Variants in AGER observed in about 807,000 individuals in gnomAD.
AGER encodes the protein advanced glycation end product-specific receptor.
A neutral mutation model predicts 48.8 loss-of-function variants in AGER; 46 were observed. The ratio of observed to expected loss-of-function variants is 0.94; its 90% CI spans 0.74 to 1.20. AGER has a LOEUF of 1.20. Ranked by LOEUF, AGER falls within the 50% of genes most tolerant of loss-of-function variation. The pLI is 0.00. For missense variants in AGER, 489 were observed against 515.0 expected, an observed-to-expected ratio of 0.95 and a Z score of 0.49; for synonymous variants, 170 against 199.9, an observed-to-expected ratio of 0.85 and a Z score of 1.26.
At position 32,181,365 on chromosome 6, in the gene AGER, G is replaced by C. The variant is rs763261367; in HGVS notation, c.1104C>G (p.Arg368=). 1.2e-6 allele frequency: 2 copies of C among 1,612,608 alleles called. No homozygotes were observed. The highest frequency in any genetic ancestry group is 1.7e-6 in the Non-Finnish European group (2 of 1,179,210). The change falls in exon 10 of 11, where the codon CGC becomes CGG. Residue 368 remains arginine (R), a synonymous_variant. Transcript: ENST00000375076. This position sits in a 1 kb window ranked among gnomAD's most constrained non-coding sequence, Gnocchi z 4.1. ...TCTCCACTCACCTCTCCTCTCCTCG[G>C]CGTTGCCGCCTTTGCCACAAGATGA... ...IGVILWQRRQ[R]RGEERKAPEN... is the part of the protein sequence containing the mutation.
At position 32,184,234 on chromosome 6, in the gene AGER, C is replaced by A; in HGVS notation, c.-12G>T. ...GTTCCGGCAGCCATCCTGCTTCCTT[C>A]CAGGGTCCTGGCTCTGTCTGCCCCT... On this transcript the variant is annotated 5_prime_UTR_variant, in exon 1 of 11. Transcript: ENST00000375076. 1 of 1,611,482 alleles carries A rather than the reference C, an allele frequency of 6.2e-7. No individual in the cohort carries two copies.
chr6:32,181,545 C>A lies in AGER; in HGVS notation c.991+61G>T. 1.9e-6 allele frequency: 3 copies of A among 1,613,072 alleles called. No homozygotes were observed. The highest frequency in any genetic ancestry group is 2.5e-6 in the Non-Finnish European group (3 of 1,179,988). ...TCACCATTCCTTTCTTGTTGACCAT[C>A]CCCCCAGTCACATGTGTTGGGGGCT... On this transcript the variant is annotated intron_variant, in intron 9 of 10. Transcript: ENST00000375076. This position sits in a 1 kb window ranked among gnomAD's most constrained non-coding sequence, Gnocchi z 4.1.
rs1289458441 is a variant in AGER at position 32,184,238 on chromosome 6, G to C, written c.-16C>G. The C allele has an allele frequency of 6.2e-7, 1 of 1,610,754 alleles. No individual in the cohort carries two copies. The highest frequency in any genetic ancestry group is 8.5e-7 in the Non-Finnish European group (1 of 1,178,948). On this transcript the variant is annotated 5_prime_UTR_variant, in exon 1 of 11. Transcript: ENST00000375076. ...CGGCAGCCATCCTGCTTCCTTCCAG[G>C]GTCCTGGCTCTGTCTGCCCCTCTCC...
chr6:32,182,165 G>C lies in AGER; in HGVS notation c.964+82C>G. 6.3e-7 allele frequency: 1 copy of C among 1,596,802 alleles called. No homozygotes were observed. Among genetic ancestry groups the C allele is most frequent in the Non-Finnish European group, 8.6e-7 (1 of 1,168,304 alleles). The stretch of plus-strand genomic sequence containing the variant: ...AGGTGGGGTGGCTGTTAGGGATAAG[G>C]CCAGAATGGGGCAGGAAATTAGAGC... On this transcript the variant is annotated intron_variant, in intron 8 of 10. Coordinates refer to ENST00000375076, the MANE Select transcript of AGER (RefSeq NM_001136.5). This position sits in a 1 kb window ranked among gnomAD's most constrained non-coding sequence, Gnocchi z 5.1.
Position 32,183,954 on chromosome 6 carries a change from C to A in AGER, c.86G>T (p.Arg29Leu). Residue 29 changes from arginine to leucine, a missense_variant, in exon 2 of 11, where the codon CGG becomes CTG. Arg to Leu is a moderately radical substitution (Grantham distance 102). Coordinates refer to ENST00000375076, the MANE Select transcript of AGER (RefSeq NM_001136.5). ...AVVGAQNITARIGEPLVLKCK... is the reference protein window; with the variant it reads ...AVVGAQNITALIGEPLVLKCK... Reference sequence around the variant, plus strand: ...CTTCAGCACCAGTGGCTCGCCAATCCGGGCTGTGATGTTTTGAGCACCTAC... The same window carrying A: ...CTTCAGCACCAGTGGCTCGCCAATCAGGGCTGTGATGTTTTGAGCACCTAC... 6.2e-7 allele frequency: 1 copy of A among 1,613,040 alleles called. No homozygotes were observed. The highest frequency in any genetic ancestry group is 1.7e-5 in the Admixed American group (1 of 60,022).
In AGER at chr6:32,183,550, C is replaced by T; in HGVS notation, c.355+5G>A. On this transcript the variant is annotated splice_donor_5th_base_variant and intron_variant, in intron 3 of 10. Transcript: ENST00000375076. ...AGGCCTTGGAGAAGACCCTGGAATT[C>T]TTACGGTAGACACGGACTCGGTAGT... is the stretch of plus-strand genomic sequence containing the variant. The T allele has an allele frequency of 6.2e-7, 1 of 1,613,106 alleles. No homozygotes were observed. Among genetic ancestry groups the T allele is most frequent in the Non-Finnish European group, 8.5e-7 (1 of 1,180,036 alleles).
In AGER at chr6:32,183,674, A is replaced by C. The variant is rs755528021; in HGVS notation, c.236T>G (p.Leu79Arg). The stretch of plus-strand genomic sequence containing the variant: ...CGGAAGGAAGAGGGAGCCGTTGGGA[A>C]GGACACGAGCCACACTGTCCCAGGG... ...GGPWDSVARV[L>R]PNGSLFLPAV... Residue 79 changes from leucine to arginine, a missense_variant, in exon 3 of 11, where the codon CTT (leucine) becomes CGT (arginine). Leu to Arg is a moderately radical substitution (Grantham distance 102, BLOSUM62 -2). Coordinates refer to ENST00000375076, the MANE Select transcript of AGER (RefSeq NM_001136.5). The C allele has an allele frequency of 6.2e-7, 1 of 1,613,068 alleles. No homozygotes were observed. Among genetic ancestry groups the C allele is most frequent in the South Asian group, 1.1e-5 (1 of 91,088 alleles).
rs984852966 is a variant in AGER at position 32,181,724 on chromosome 6, T to G, written c.965-92A>C. The G allele has an allele frequency of 1.4e-6, 1 of 711,698 alleles. No homozygotes were observed. The highest frequency in any genetic ancestry group is 3.4e-5 in the Admixed American group (1 of 29,540). 44.1% of individuals were successfully genotyped at this position (711,698 alleles called of 1,614,324 possible). A position where few individuals can be genotyped will look rare whatever the true frequency, so the allele number is the denominator to read the frequency against. ...AGCCCCAGTGGAGTCTTTCCCTTTC[T>G]TTTTTTTTTTGAGATGGAGTTTCAC... On this transcript the variant is annotated intron_variant, in intron 8 of 10. Coordinates refer to ENST00000375076, the MANE Select transcript of AGER (RefSeq NM_001136.5). This position sits in a 1 kb window ranked among gnomAD's most constrained non-coding sequence, Gnocchi z 4.1.
At position 32,183,988 on chromosome 6, in the gene AGER, CT is replaced by C; in HGVS notation, c.53-2del. The C allele has an allele frequency of 6.2e-7, 1 of 1,613,004 alleles. No individual in the cohort carries two copies. On this transcript the variant is annotated splice_acceptor_variant, in intron 1 of 10. Coordinates refer to ENST00000375076, the MANE Select transcript of AGER (RefSeq NM_001136.5). LOFTEE classifies it high-confidence loss of function. ...ATGTTTTGAGCACCTACTACTGCCC[CT>C]GGGAGATAGCACCATGGTAGAGGGG...
chr6:32,181,336 G>C lies in AGER; in HGVS notation c.1118+15C>G. The stretch of plus-strand genomic sequence containing the variant: ...GGAAGCCCTAGGTCTGAGGGGTCTG[G>C]CTTTCTCCACTCACCTCTCCTCTCC... On this transcript the variant is annotated intron_variant, in intron 10 of 10. Coordinates refer to ENST00000375076, the MANE Select transcript of AGER (RefSeq NM_001136.5). This position sits in a 1 kb window ranked among gnomAD's most constrained non-coding sequence, Gnocchi z 4.1. The C allele has an allele frequency of 6.2e-7, 1 of 1,613,226 alleles. No homozygotes were observed. The highest frequency in any genetic ancestry group is 2.2e-5 in the East Asian group (1 of 44,872).
Position 32,182,463 on chromosome 6 carries a change from TTCC to T in AGER, c.823-78_823-76del. The T allele has an allele frequency of 6.3e-7, 1 of 1,587,862 alleles. No homozygotes were observed. The highest frequency in any genetic ancestry group is 8.6e-7 in the Non-Finnish European group (1 of 1,165,738). On this transcript the variant is annotated intron_variant, in intron 7 of 10. Transcript: ENST00000375076. This position sits in a 1 kb window ranked among gnomAD's most constrained non-coding sequence, Gnocchi z 5.1. ...TCTCCATATCTTCAGATACCCTCTC[TTCC>T]TCCTCAGCTCCTAGCCTGCCTTTCC...
chr6:32,181,403 G>A lies in AGER; in HGVS notation c.1066C>T (p.Leu356=), dbSNP rs1786179033. Residue 356 remains leucine, a synonymous_variant, in exon 10 of 11, where the codon CTG becomes TTG. Coordinates refer to ENST00000375076, the MANE Select transcript of AGER (RefSeq NM_001136.5). This position sits in a 1 kb window ranked among gnomAD's most constrained non-coding sequence, Gnocchi z 4.1. ...GILGGLGTAA[L]LIGVILWQRR... is the part of the protein sequence containing the mutation. ...TGCCACAAGATGACCCCAATGAGCA[G>A]GGCGGCTGTCCCCAGGCCTCCCAGG... 1 of 1,613,614 alleles carries A rather than the reference G, an allele frequency of 6.2e-7. No individual in the cohort carries two copies. The highest frequency in any genetic ancestry group is 1.3e-5 in the African/African-American group (1 of 75,036).
In AGER at chr6:32,182,270, C is replaced by T. The variant is rs77170610; in HGVS notation, c.941G>A (p.Arg314His). 1.0e-3 allele frequency: 1,691 copies of T among 1,612,806 alleles called. 13 individuals carry two copies. The African/African-American group carries it at 0.019, about 18-fold the overall frequency. The change falls in exon 8 of 11, where the codon CGT becomes CAT. Residue 314 changes from arginine to histidine, a missense_variant. Coordinates refer to ENST00000375076, the MANE Select transcript of AGER (RefSeq NM_001136.5). The surrounding 1 kb of genome is among the most constrained non-coding windows in gnomAD (Gnocchi z 5.1). ...THSSHGPQES[R>H]AVSISIIEPG... Reference sequence around the variant, plus strand: ...ACCGATGATGCTGATGCTGACAGCACGGCTTTCCTGGGGCCCGTGGCTGGA... The same window carrying T: ...ACCGATGATGCTGATGCTGACAGCATGGCTTTCCTGGGGCCCGTGGCTGGA...
chr6:32,181,491 G>C lies in AGER; in HGVS notation c.992-14C>G. On this transcript the variant is annotated splice_polypyrimidine_tract_variant and intron_variant, in intron 9 of 10. Transcript: ENST00000375076. The surrounding 1 kb of genome is among the most constrained non-coding windows in gnomAD (Gnocchi z 4.1). Reference sequence around the variant, plus strand: ...CTCCCACAGAGCCTGTACGGAGACAGGGAAAATTGAGAGCACAGCCACCAC... The same window carrying C: ...CTCCCACAGAGCCTGTACGGAGACACGGAAAATTGAGAGCACAGCCACCAC... The C allele has an allele frequency of 6.2e-7, 1 of 1,613,260 alleles. No individual in the cohort carries two copies. The highest frequency in any genetic ancestry group is 2.2e-5 in the East Asian group (1 of 44,886).
intron 4 of AGER, 24 bp from the exon 5 acceptor site, chr6:32,183,225 G>T: frequency 6.2e-7 from 1 of 1,612,790 alleles, no homozygotes; most frequent in Non-Finnish European, 8.5e-7. Flanking sequence ...GGTGACCTCA[G>T]AATCCTTTGA....
chr6:32,181,588 C>T lies in AGER; in HGVS notation c.991+18G>A, dbSNP rs139049509. On this transcript the variant is annotated intron_variant, in intron 9 of 10. Transcript: ENST00000375076. This position sits in a 1 kb window ranked among gnomAD's most constrained non-coding sequence, Gnocchi z 4.1. ...TGGGGGCTATCTTCTGCTTCCCTGA[C>T]TTTATCAAACCCCTCACCTGCAGTT... is the stretch of plus-strand genomic sequence containing the variant. 2 of 1,613,158 alleles carry T rather than the reference C, an allele frequency of 1.2e-6. No individual in the cohort carries two copies. Among genetic ancestry groups the T allele is most frequent in the Admixed American group, 1.7e-5 (1 of 60,034 alleles).
Position 32,181,048 on chromosome 6 carries a change from G to C in AGER, c.*95C>G. 1.5e-6 allele frequency: 2 copies of C among 1,318,328 alleles called. No homozygotes were observed. Among genetic ancestry groups the C allele is most frequent in the South Asian group, 1.2e-5 (1 of 82,836 alleles). The allele number at this position is 1,318,328 out of a possible 1,614,324, so 81.7% of individuals were successfully genotyped here. The stretch of plus-strand genomic sequence containing the variant: ...AGCTTGGCAAGGTGGGGTTATACAG[G>C]AGAGAGATTATACAGGAGAGAGTTG... On this transcript the variant is annotated 3_prime_UTR_variant, in exon 11 of 11. Transcript: ENST00000375076. The surrounding 1 kb of genome is among the most constrained non-coding windows in gnomAD (Gnocchi z 4.1).
At position 32,181,452 on chromosome 6, in the gene AGER, T is replaced by G. The variant is rs1437547542; in HGVS notation, c.1017A>C (p.Gly339=). 4.3e-5 allele frequency: 70 copies of G among 1,613,220 alleles called. No homozygotes were observed. Among genetic ancestry groups the G allele is most frequent in the Non-Finnish European group, 5.8e-5 (69 of 1,179,980 alleles). Residue 339 remains glycine, a synonymous_variant, in exon 10 of 11, where the codon GGA becomes GGC. Transcript: ENST00000375076. This position sits in a 1 kb window ranked among gnomAD's most constrained non-coding sequence, Gnocchi z 4.1. The part of the protein sequence containing the change: ...TAGSVGGSGL[G]TLALALGILG... Reference sequence around the variant, plus strand: ...GGATCCCCAGGGCCAGGGCTAGAGTTCCCAGCCCTGATCCTCCCACAGAGC... The same window carrying G: ...GGATCCCCAGGGCCAGGGCTAGAGTGCCCAGCCCTGATCCTCCCACAGAGC...
Position 32,181,327 on chromosome 6 carries a change from A to C in AGER, c.1118+24T>G. 4 of 1,613,500 alleles carry C rather than the reference A, an allele frequency of 2.5e-6. No individual in the cohort carries two copies. The highest frequency in any genetic ancestry group is 3.4e-6 in the Non-Finnish European group (4 of 1,179,846). On this transcript the variant is annotated intron_variant, in intron 10 of 10. Coordinates refer to ENST00000375076, the MANE Select transcript of AGER (RefSeq NM_001136.5). The surrounding 1 kb of genome is among the most constrained non-coding windows in gnomAD (Gnocchi z 4.1). Reference sequence around the variant, plus strand: ...TTGCTGCCTGGAAGCCCTAGGTCTGAGGGGTCTGGCTTTCTCCACTCACCT... The same window carrying C: ...TTGCTGCCTGGAAGCCCTAGGTCTGCGGGGTCTGGCTTTCTCCACTCACCT...
Sources: gnomAD v4.1 joint callset for allele counts on GRCh38, gnomAD v4.1.1 for gene constraint, Gnocchi (gnomAD v3.1) non-coding constraint, MANE v1.5 for transcripts, NCBI Gene and HGNC (gene_info 2026-07-23, HGNC 2026-07-21) for gene names.